QTMAN: variants seen among roughly 807,000 people sequenced by gnomAD.
The protein encoded by QTMAN is queuosine-tRNA mannosyltransferase, also known as tRNA-queuosine alpha-mannosyltransferase.
chr2:143,985,102 G>C, the QTMAN span, among the ~76,000 whole-genome samples: 1 of 152,226 alleles, frequency 6.6e-6, no homozygotes, highest in East Asian at 1.9e-4. Context: ...ACCTCCTCCT[G>C]GACAGCAGAG....
chr2:144,070,479 T>C, the QTMAN span, among the ~76,000 whole-genome samples: 1 of 152,134 alleles, frequency 6.6e-6, no homozygotes, highest in Non-Finnish European at 1.5e-5. Flanking sequence ...CAAAGCAGGA[T>C]TCCCTTCCCC....
the QTMAN span, among the ~76,000 whole-genome samples, chr2:144,199,258 AG>A: frequency 6.6e-6 from 1 of 152,266 alleles, no homozygotes; most frequent in South Asian, 2.1e-4. Context: ...CATGTTGGCC[AG>A]GCTGGTCTCG....
chr2:144,007,167 C>T, the QTMAN span: 1 of 1,459,240 alleles, frequency 6.9e-7, no homozygotes. Flanking sequence ...ACTAAATTGG[C>T]ATGCCTTGAC....
At chr2:144,176,541 A>G in the QTMAN span, among the ~76,000 whole-genome samples, 2 of 152,172 alleles carry the variant, frequency 1.3e-5, no homozygotes, top group African/African-American at 4.8e-5. Context: ...CTGGAAAGAA[A>G]TATGTAAAAT....
the QTMAN span, among the ~76,000 whole-genome samples, chr2:144,155,867 C>A: frequency 2.0e-5 from 3 of 151,900 alleles, no homozygotes; most frequent in Non-Finnish European, 4.4e-5. Flanking sequence ...ATAATAATAT[C>A]TGCTTCGTGA....
the QTMAN span, among the ~76,000 whole-genome samples, chr2:143,971,755 A>T: frequency 6.6e-6 from 1 of 152,108 alleles, no homozygotes; most frequent in Admixed American, 6.5e-5. Context: ...GTTATATATC[A>T]GCAATTGAAT....
chr2:144,244,480 AAAGTTAGCACT>A, the QTMAN span, among the ~76,000 whole-genome samples: 1 of 152,256 alleles, frequency 6.6e-6, no homozygotes, highest in African/African-American at 2.4e-5. Context: ...GTGACTTCTT[AAAGTTAGCACT>A]AAGGAGAAAC....
At chr2:144,332,282 C>G in the QTMAN span, among the ~76,000 whole-genome samples, 5 of 150,782 alleles carry the variant, frequency 3.3e-5, no homozygotes, top group Non-Finnish European at 5.9e-5. Flanking sequence ...CCACACCCCC[C>G]GCCCCCGGCT....
chr2:144,316,614 C>T, the QTMAN span, among the ~76,000 whole-genome samples: 2 of 152,144 alleles, frequency 1.3e-5, no homozygotes, highest in Non-Finnish European at 2.9e-5. Context: ...CTATACAATA[C>T]TTTACTAATA....
At chr2:144,019,992 A>G in the QTMAN span, among the ~76,000 whole-genome samples, 3 of 148,298 alleles carry the variant, frequency 2.0e-5, no homozygotes, top group African/African-American at 7.8e-5. Context: ...AGAACTTCTA[A>G]TCATCCGTCG....
the QTMAN span, chr2:143,945,618 C>T: frequency 6.6e-6 from 1 of 152,242 alleles, no homozygotes; most frequent in African/African-American, 2.4e-5. Context: ...TCATTGCTTT[C>T]TTTATCTTAG....
the QTMAN span, among the ~76,000 whole-genome samples, chr2:144,175,263 A>C: frequency 6.6e-6 from 1 of 152,222 alleles, no homozygotes; most frequent in South Asian, 2.1e-4. Context: ...TGTTCATTAG[A>C]TAGAACTAAT....
At chr2:144,291,076 T>G in the QTMAN span, among the ~76,000 whole-genome samples, 1 of 152,220 alleles carries the variant, frequency 6.6e-6, no homozygotes, top group Admixed American at 6.5e-5. Flanking sequence ...TTGTAAATAC[T>G]GTTCTCTAGT....
the QTMAN span, among the ~76,000 whole-genome samples, chr2:144,286,003 T>C: frequency 6.6e-6 from 1 of 152,146 alleles, no homozygotes; most frequent in African/African-American, 2.4e-5. Flanking sequence ...CTGTGTGACT[T>C]CCAAAAGTAA....
At chr2:144,037,421 A>G in the QTMAN span, among the ~76,000 whole-genome samples, 1 of 152,112 alleles carries the variant, frequency 6.6e-6, no homozygotes, top group South Asian at 2.1e-4. Flanking sequence ...GTCTCCATCA[A>G]CCCTCACCTA....
chr2:144,278,606 G>A, the QTMAN span, among the ~76,000 whole-genome samples: 3 of 148,244 alleles, frequency 2.0e-5, no homozygotes, highest in South Asian at 2.1e-4. Context: ...TGCACACCTC[G>A]TGACTTCTGG....
At chr2:144,065,943 C>T in the QTMAN span, among the ~76,000 whole-genome samples, 2 of 151,996 alleles carry the variant, frequency 1.3e-5, no homozygotes, top group Admixed American at 6.5e-5. Context: ...GCTTAAAAGG[C>T]GGTGGCCATG....
the QTMAN span, chr2:143,944,684 T>C: frequency 6.6e-6 from 1 of 152,220 alleles, no homozygotes; most frequent in Non-Finnish European, 1.5e-5. Context: ...GACCTCATGA[T>C]CCACCCGTCT....
chr2:144,048,567 G>GA, the QTMAN span, among the ~76,000 whole-genome samples: 1 of 152,074 alleles, frequency 6.6e-6, no homozygotes, highest in Admixed American at 6.5e-5. Context: ...TTTGTAGAGA[G>GA]AAAAAATGCA....
Sources: gnomAD v4.1 joint callset for allele counts (sites outside exome capture counted in the v4.1 genomes callset) on GRCh38, gnomAD v4.1.1 for gene constraint, MANE v1.5 for transcripts, NCBI Gene and HGNC (gene_info 2026-07-23, HGNC 2026-07-21) for gene names.